The following CACHD1 variants were observed in gnomAD, a reference collection of about 807,000 sequenced individuals.
The protein encoded by CACHD1 is cache domain containing 1.
In CACHD1, 71 loss-of-function variants were observed where a neutral mutation model predicts 138.7. The observed-to-expected ratio is 0.51, with a 90% CI of 0.42 to 0.62. The LOEUF is 0.62. CACHD1 is among the 20% of genes least tolerant of loss of function. The pLI is 0.00. For synonymous variants in CACHD1, 578 were observed against 591.5 expected, an observed-to-expected ratio of 0.98 and a Z score of 0.33; for missense variants, 1,389 against 1,625.3, an observed-to-expected ratio of 0.85 and a Z score of 2.50.
chr1:64,644,707 T>C (rs1648847000), intron 8 of CACHD1, among the ~76,000 whole-genome samples: 1 of 152,246 alleles, frequency 6.6e-6, no homozygotes, highest in African/African-American at 2.4e-5. Flanking sequence ...TATTTCTAAG[T>C]GTAATTCACT....
chr1:64,556,995 T>C (rs2100470995), intron 2 of CACHD1, among the ~76,000 whole-genome samples: 1 of 152,174 alleles, frequency 6.6e-6, no homozygotes, highest in East Asian at 1.9e-4. Context: ...GGCGGGCGCC[T>C]GTAGTCCCAG....
chr1:64,477,086 ACTTTAGTGT>A (rs1463960404), intron 1 of CACHD1, among the ~76,000 whole-genome samples: 2 of 152,198 alleles, frequency 1.3e-5, no homozygotes, highest in African/African-American at 4.8e-5. Context: ...ATCACTCTGA[ACTTTAGTGT>A]CTTTGTATTT....
intron 3 of CACHD1, among the ~76,000 whole-genome samples, chr1:64,588,666 C>A (rs1647072221): frequency 6.6e-6 from 1 of 152,190 alleles, no homozygotes; most frequent in Admixed American, 6.5e-5. Context: ...GCATGAGCCA[C>A]CATGCTGGGC....
intron 1 of CACHD1, among the ~76,000 whole-genome samples, chr1:64,537,155 C>T (rs1009596495): frequency 2.0e-5 from 3 of 152,098 alleles, no homozygotes; most frequent in Non-Finnish European, 2.9e-5. Flanking sequence ...TTTTTTGACT[C>T]TGCTTGCTTA....
In CACHD1 at chr1:64,673,135, G is replaced by A. The variant is rs775471410; in HGVS notation, c.2511-23G>A. 8.4e-6 allele frequency: 13 copies of A among 1,543,876 alleles called. No homozygotes were observed. In the African/African-American group the frequency reaches 1.2e-4, roughly 15 times the overall value. ...AAAAAAAACAGCTGATATGAATGAG[G>A]GGCATAACTTGTTTTGGTACAGGTG... On this transcript the variant is annotated intron_variant, in intron 17 of 26. Transcript: ENST00000651257.
intron 4 of CACHD1, among the ~76,000 whole-genome samples, chr1:64,609,109 T>C (rs1200003857): frequency 6.6e-6 from 1 of 152,178 alleles, no homozygotes; most frequent in Non-Finnish European, 1.5e-5. Context: ...TTAGAGGCTG[T>C]CGATTGTTGT....
chr1:64,664,207 A>C (rs1649549028), intron 14 of CACHD1: 3 of 469,032 alleles, frequency 6.4e-6, no homozygotes, highest in Admixed American at 3.7e-5. Context: ...ACAAAGCTTT[A>C]GGGTTAGTGT....
intron 1 of CACHD1, among the ~76,000 whole-genome samples, chr1:64,497,280 C>G (rs1646311581): frequency 6.6e-6 from 1 of 152,080 alleles, no homozygotes; most frequent in Admixed American, 6.5e-5. Flanking sequence ...TTTTTCAGTC[C>G]CTACTCTGTG....
intron 1 of CACHD1, among the ~76,000 whole-genome samples, chr1:64,515,607 C>T (rs906184965): frequency 6.6e-6 from 1 of 152,134 alleles, no homozygotes; most frequent in Non-Finnish European, 1.5e-5. Context: ...TATGCAACAG[C>T]TGTAGTTGTG....
chr1:64,558,681 C>T (rs767879579), intron 2 of CACHD1, among the ~76,000 whole-genome samples: 9 of 151,980 alleles, frequency 5.9e-5, no homozygotes, highest in African/African-American at 1.5e-4. Context: ...CTCTGCACAG[C>T]GAAAGAAGCT....
intron 1 of CACHD1, among the ~76,000 whole-genome samples, chr1:64,538,825 A>T (rs1296520762): frequency 1.3e-5 from 2 of 152,258 alleles, no homozygotes; most frequent in Middle Eastern, 6.3e-3. Context: ...AGTTAGTAGC[A>T]TATTTCGAAG....
chr1:64,471,200 C>G (rs1342939874), intron 1 of CACHD1, among the ~76,000 whole-genome samples: 3 of 152,330 alleles, frequency 2.0e-5, no homozygotes, highest in Non-Finnish European at 4.4e-5. Flanking sequence ...CCTGCACAGC[C>G]CCCCTCTTCT....
At chr1:64,643,036 TAAAAAAAAAAAAAAAA>T (rs139320316) in intron 8 of CACHD1, among the ~76,000 whole-genome samples, 22 of 33,354 alleles carry the variant, frequency 6.6e-4, no homozygotes, top group South Asian at 4.3e-3. Context: ...AGACTCTGTC[TAAAAAAAAAAAAAAAA>T]AAAAAAAAAA....
chr1:64,630,589 A>G (rs114788094), intron 5 of CACHD1, among the ~76,000 whole-genome samples: 9,421 of 152,150 alleles, frequency 0.062, 339 homozygotes, highest in Middle Eastern at 0.11. Context: ...CAGTCGTCCT[A>G]AGATATTTTT....
Position 64,566,479 on chromosome 1 carries a change from T to TCCCCCC in CACHD1, c.262-15671_262-15666dup, listed in dbSNP as rs34760107. Among the ~76,000 whole-genome samples the TCCCCCC allele has an allele frequency of 7.5e-3, 909 of 120,398 alleles. 215 individuals carry two copies. Among genetic ancestry groups the TCCCCCC allele is most frequent in the Middle Eastern group, 0.026 (5 of 196 alleles). 79.0% of individuals were successfully genotyped at this position (120,398 alleles called of 152,430 possible). On this transcript the variant is annotated intron_variant, in intron 2 of 26. Transcript: ENST00000651257. ...CAGTGCTCCACTGTATGTTTTCAATTCCCCCCCCCCCACAAGGTATGGGGG... is the reference window on the plus strand; with the variant it reads ...CAGTGCTCCACTGTATGTTTTCAATTCCCCCCCCCCCCCCCCCACAAGGTATGGGGG...
chr1:64,632,525 T>C, intron 5 of CACHD1, 74 bp from the exon 6 acceptor site: 2 of 1,491,530 alleles, frequency 1.3e-6, no homozygotes, highest in East Asian at 2.3e-5. Flanking sequence ...TGCACTGTAG[T>C]GTTCACAGCT....
At chr1:64,645,878 A>T (rs954242102) in intron 8 of CACHD1, among the ~76,000 whole-genome samples, 10 of 152,136 alleles carry the variant, frequency 6.6e-5, no homozygotes, top group African/African-American at 2.4e-4. Context: ...CTGTCCCCTA[A>T]ATCTCGCAGT....
At chr1:64,517,415 A>T (rs979162671) in intron 1 of CACHD1, among the ~76,000 whole-genome samples, 1 of 152,196 alleles carries the variant, frequency 6.6e-6, no homozygotes, top group African/African-American at 2.4e-5. Context: ...TAAAAAAGAA[A>T]TAAAGGAGAA....
intron 1 of CACHD1, among the ~76,000 whole-genome samples, chr1:64,528,477 A>C (rs1231616045): frequency 6.6e-6 from 1 of 152,192 alleles, no homozygotes; most frequent in African/African-American, 2.4e-5. Context: ...GACATTATAT[A>C]TTTGATCAGC....
Sources: allele counts gnomAD v4.1 joint callset (sites outside exome capture counted in the v4.1 genomes callset), GRCh38; gene constraint gnomAD v4.1.1; transcripts MANE v1.5; gene names NCBI Gene and HGNC (gene_info 2026-07-23, HGNC 2026-07-21).